The following CADPS2 variants were observed in gnomAD, a reference collection of about 807,000 sequenced individuals.
The protein encoded by CADPS2 is calcium dependent secretion activator 2, also known as calcium-dependent secretion activator 2.
A neutral mutation model predicts 172.5 loss-of-function variants in CADPS2; 93 were observed. That is an observed-to-expected ratio of 0.54 (90% CI 0.46 to 0.64). The LOEUF (loss-of-function observed/expected upper bound fraction) is 0.64. CADPS2 is among the 30% of genes least tolerant of loss of function. The pLI is 0.00. For synonymous variants in CADPS2, 546 were observed against 555.2 expected, an observed-to-expected ratio of 0.98 and a Z score of 0.23; for missense variants, 1,420 against 1,565.9, an observed-to-expected ratio of 0.91 and a Z score of 1.57.
At chr7:122,422,585 T>G (rs1002851610) in intron 17 of CADPS2, among the ~76,000 whole-genome samples, 2 of 152,132 alleles carry the variant, frequency 1.3e-5, no homozygotes, top group Non-Finnish European at 2.9e-5. Context: ...AAACAAATTG[T>G]TCTAATTACA....
intron 28 of CADPS2, among the ~76,000 whole-genome samples, chr7:122,332,750 G>A (rs1046376622): frequency 2.0e-5 from 3 of 152,146 alleles, no homozygotes; most frequent in African/African-American, 7.2e-5. Flanking sequence ...GACAAGTTCT[G>A]TAAATTGGGA....
At chr7:122,832,618 T>C (rs971488689) in intron 1 of CADPS2, among the ~76,000 whole-genome samples, 2 of 152,234 alleles carry the variant, frequency 1.3e-5, no homozygotes, top group Non-Finnish European at 2.9e-5. Flanking sequence ...TGGATGGCAG[T>C]AATGTTGTCT....
At chr7:122,872,730 A>C (rs2141533895) in intron 1 of CADPS2, among the ~76,000 whole-genome samples, 1 of 152,262 alleles carries the variant, frequency 6.6e-6, no homozygotes, top group Middle Eastern at 3.4e-3. Flanking sequence ...TAAATATGTT[A>C]AACTAGTAAG....
At chr7:122,580,175 C>A (rs1053763677) in intron 7 of CADPS2, among the ~76,000 whole-genome samples, 1 of 151,918 alleles carries the variant, frequency 6.6e-6, no homozygotes, top group East Asian at 1.9e-4. Flanking sequence ...TTACAGAGGG[C>A]GGGTGTTGGT....
chr7:122,705,270 G>A (rs1280294657), intron 2 of CADPS2, among the ~76,000 whole-genome samples: 2 of 151,324 alleles, frequency 1.3e-5, no homozygotes, highest in African/African-American at 4.9e-5. Context: ...GACAGAGAGA[G>A]AGACTGGATG....
At chr7:122,698,341 G>A in intron 2 of CADPS2, 1 of 1,613,800 alleles carries the variant, frequency 6.2e-7, no homozygotes. Context: ...AATCACAAAA[G>A]AGACCAAATA....
chr7:122,603,818 C>A (rs1262146826), intron 6 of CADPS2, among the ~76,000 whole-genome samples: 2 of 152,084 alleles, frequency 1.3e-5, no homozygotes, highest in African/African-American at 4.8e-5. Context: ...ACTGTATGAT[C>A]TTTATATGTA....
intron 8 of CADPS2, among the ~76,000 whole-genome samples, chr7:122,537,506 A>G (rs974657690): frequency 9.9e-5 from 15 of 151,894 alleles, no homozygotes; most frequent in Admixed American, 7.2e-4. Context: ...GAGGTGAAAC[A>G]ACTGCAAAAG....
At chr7:122,740,634 A>G (rs1251875309) in intron 1 of CADPS2, among the ~76,000 whole-genome samples, 4 of 152,166 alleles carry the variant, frequency 2.6e-5, no homozygotes, top group Non-Finnish European at 4.4e-5. Context: ...AAATTTCATA[A>G]AAAAATAAAC....
intron 7 of CADPS2, among the ~76,000 whole-genome samples, chr7:122,556,323 T>C (rs752391986): frequency 6.6e-6 from 1 of 152,128 alleles, no homozygotes; most frequent in Non-Finnish European, 1.5e-5. Flanking sequence ...GATAGATCTC[T>C]ATATCCTCTG....
chr7:122,790,831 C>G (rs1441759146), intron 1 of CADPS2, among the ~76,000 whole-genome samples: 1 of 152,162 alleles, frequency 6.6e-6, no homozygotes, highest in Non-Finnish European at 1.5e-5. Context: ...AAAATCCAAG[C>G]TGCTGTACAG....
At chr7:122,732,817 G>A (rs56929407) in intron 2 of CADPS2, among the ~76,000 whole-genome samples, 491 of 135,392 alleles carry the variant, frequency 3.6e-3, no homozygotes, top group African/African-American at 0.013. Flanking sequence ...TATACATAAT[G>A]TATATTATAT....
At chr7:122,525,819 A>G (rs1322565685) in intron 8 of CADPS2, among the ~76,000 whole-genome samples, 1 of 152,194 alleles carries the variant, frequency 6.6e-6, no homozygotes, top group Non-Finnish European at 1.5e-5. Flanking sequence ...GCTACATGGT[A>G]CAGCCCATTT....
chr7:122,471,686 T>C, intron 13 of CADPS2, 124 bp from the exon 14 acceptor site: 1 of 789,748 alleles, frequency 1.3e-6, no homozygotes, highest in Non-Finnish European at 1.9e-6. Context: ...ATTTATTTTA[T>C]TAGTGGTATG....
At chr7:122,438,274 T>A (rs919161762) in intron 17 of CADPS2, 67 bp downstream of exon 17, 1 of 1,592,696 alleles carries the variant, frequency 6.3e-7, no homozygotes, top group South Asian at 1.1e-5. Context: ...GGACTTCTCA[T>A]AGAAAATTCA....
intron 2 of CADPS2, among the ~76,000 whole-genome samples, chr7:122,673,245 C>G (rs2082049564): frequency 6.6e-6 from 1 of 152,230 alleles, no homozygotes; most frequent in Non-Finnish European, 1.5e-5. Flanking sequence ...GGGACCCCAG[C>G]CGGTTGCCGC....
chr7:122,605,265 CT>C (rs779303035), intron 6 of CADPS2, among the ~76,000 whole-genome samples: 1 of 152,102 alleles, frequency 6.6e-6, no homozygotes, highest in Admixed American at 6.6e-5. Context: ...CTACTACAGA[CT>C]TTATAAAAAC....
At chr7:122,722,715 T>A (rs1193545107) in intron 2 of CADPS2, among the ~76,000 whole-genome samples, 1 of 119,846 alleles carries the variant, frequency 8.3e-6, no homozygotes, top group African/African-American at 3.2e-5. Context: ...AGAGCCTGCA[T>A]TGCCAAGACA....
chr7:122,540,812 C>T (rs544038261), intron 8 of CADPS2, among the ~76,000 whole-genome samples: 29 of 152,178 alleles, frequency 1.9e-4, no homozygotes, highest in African/African-American at 4.8e-4. Context: ...CAATCATTAA[C>T]GCAATTTGTG....
Sources: allele counts gnomAD v4.1 joint callset (sites outside exome capture counted in the v4.1 genomes callset), GRCh38; gene constraint gnomAD v4.1.1; transcripts MANE v1.5; gene names NCBI Gene and HGNC (gene_info 2026-07-23, HGNC 2026-07-21).